The following PARD3B variants were observed in gnomAD, a reference collection of about 807,000 sequenced individuals.
PARD3B encodes par-3 family cell polarity regulator beta.
A neutral mutation model predicts 130.2 loss-of-function variants in PARD3B; 103 were observed. That is an observed-to-expected ratio of 0.79 (90% CI 0.67 to 0.93). The LOEUF (loss-of-function observed/expected upper bound fraction) is 0.93. PARD3B is among the 40% of genes least tolerant of loss of function. The pLI is 0.00. For missense variants in PARD3B, 1,609 were observed against 1,499.2 expected, an observed-to-expected ratio of 1.07 and a Z score of -1.21; for synonymous variants, 583 against 553.2, an observed-to-expected ratio of 1.05 and a Z score of -0.76.
Position 204,799,840 on chromosome 2 carries a change from G to A in PARD3B, c.222+113558G>A, listed in dbSNP as rs1575013441. 6.6e-6 allele frequency among the ~76,000 whole-genome samples: 1 copy of A among 152,126 alleles called. No individual in the cohort carries two copies. Among genetic ancestry groups the A allele is most frequent in the East Asian group, 1.9e-4 (1 of 5,184 alleles). On this transcript the variant is annotated intron_variant, in intron 2 of 22. Transcript: ENST00000406610. This position sits in a 1 kb window ranked among gnomAD's most constrained non-coding sequence, Gnocchi z 4.1. ...GGGTTCCCCAAATGCAGATATGGCT[G>A]CAGTGACTAAAGATTTATATCACAG... is the stretch of plus-strand genomic sequence containing the variant.
chr2:205,146,034 G>A lies in PARD3B; in HGVS notation c.1435-12688G>A, dbSNP rs998567466. The stretch of plus-strand genomic sequence containing the variant: ...CAGACCTCCTGGGGAAGCGCCAGCA[G>A]CCTGTGGATTGACTGTCCATAGCGA... On this transcript the variant is annotated intron_variant, in intron 10 of 22. Transcript: ENST00000406610. The surrounding 1 kb of genome is among the most constrained non-coding windows in gnomAD (Gnocchi z 4.3). Among the ~76,000 whole-genome samples, 8 of 152,162 alleles carry A rather than the reference G, an allele frequency of 5.3e-5. No individual in the cohort carries two copies. Among genetic ancestry groups the A allele is most frequent in the African/African-American group, 1.9e-4 (8 of 41,458 alleles).
intron 15 of PARD3B, among the ~76,000 whole-genome samples, chr2:205,194,843 G>A (rs914187409): frequency 2.6e-5 from 4 of 151,944 alleles, no homozygotes; most frequent in East Asian, 1.9e-4. Context: ...GAGTGCAGTA[G>A]TGCGATCTCG....
At chr2:204,865,219 TAAA>T (rs2045360609) in intron 2 of PARD3B, among the ~76,000 whole-genome samples, 1 of 152,146 alleles carries the variant, frequency 6.6e-6, no homozygotes, top group African/African-American at 2.4e-5. Flanking sequence ...GGAAATTTCT[TAAA>T]GAACTAAAAG....
chr2:204,999,504 C>G (rs1194315289), intron 3 of PARD3B, among the ~76,000 whole-genome samples: 1 of 152,118 alleles, frequency 6.6e-6, no homozygotes, highest in East Asian at 1.9e-4. Context: ...TGAACATGTT[C>G]TTTTTCAGTT....
intron 2 of PARD3B, among the ~76,000 whole-genome samples, chr2:204,779,746 C>T (rs2041773118): frequency 6.6e-6 from 1 of 152,122 alleles, no homozygotes; most frequent in Admixed American, 6.6e-5. Context: ...GTATTCGAGG[C>T]CAGGTCCCAC....
At chr2:204,697,579 T>G (rs182541259) in intron 2 of PARD3B, among the ~76,000 whole-genome samples, 1 of 152,204 alleles carries the variant, frequency 6.6e-6, no homozygotes, top group African/African-American at 2.4e-5. Flanking sequence ...TCTTTTAGTT[T>G]TGCAGTTTGA....
intron 6 of PARD3B, among the ~76,000 whole-genome samples, chr2:205,117,766 T>C (rs1212053645): frequency 6.6e-6 from 1 of 152,200 alleles, no homozygotes; most frequent in Non-Finnish European, 1.5e-5. Context: ...CTATCTTTCT[T>C]ACTCTGGACA....
intron 11 of PARD3B, among the ~76,000 whole-genome samples, chr2:205,168,158 T>G (rs1256383989): frequency 6.6e-6 from 1 of 152,176 alleles, no homozygotes; most frequent in African/African-American, 2.4e-5. Flanking sequence ...CTTTGGGAAT[T>G]TCCTTTACTC....
intron 2 of PARD3B, among the ~76,000 whole-genome samples, chr2:204,947,544 TCCCCTCCCC>T (rs1185575587): frequency 4.2e-5 from 3 of 71,966 alleles, no homozygotes; most frequent in Non-Finnish European, 4.8e-5. Context: ...TTCCCTTCCC[TCCCCTCCCC>T]TCCCTCCCCT....
intron 4 of PARD3B, among the ~76,000 whole-genome samples, chr2:205,084,068 G>A (rs369719876): frequency 2.0e-4 from 30 of 151,908 alleles, no homozygotes; most frequent in African/African-American, 5.3e-4. Context: ...CTAATACTTC[G>A]TCCATATTAA....
chr2:204,940,733 A>G (rs564078513), intron 2 of PARD3B, among the ~76,000 whole-genome samples: 1 of 152,222 alleles, frequency 6.6e-6, no homozygotes, highest in East Asian at 1.9e-4. Context: ...TGAAAATTAG[A>G]GCTTAGGTCT....
rs1412884433 is a variant in PARD3B at position 205,563,968 on chromosome 2, A to G, written c.3260+10565A>G. Among the ~76,000 whole-genome samples, 9 of 152,212 alleles carry G rather than the reference A, an allele frequency of 5.9e-5. No homozygotes were observed. The highest frequency in any genetic ancestry group is 1.0e-4 in the Non-Finnish European group (7 of 68,032). ...AGGAGTTAACATTTGTTGAGCCCGT[A>G]TTGTGCTCCAAGAACTCTGGCAAGT... On this transcript the variant is annotated intron_variant, in intron 22 of 22. Coordinates refer to ENST00000406610, the MANE Select transcript of PARD3B (RefSeq NM_001302769.2). This position sits in a 1 kb window ranked among gnomAD's most constrained non-coding sequence, Gnocchi z 4.2.
chr2:204,766,626 G>A (rs1476102078), intron 2 of PARD3B, among the ~76,000 whole-genome samples: 3 of 151,886 alleles, frequency 2.0e-5, no homozygotes, highest in African/African-American at 7.3e-5. Context: ...TAGCATATTG[G>A]TGAAATTTTG....
intron 15 of PARD3B, among the ~76,000 whole-genome samples, chr2:205,203,346 T>G (rs183056585): frequency 4.6e-5 from 7 of 152,274 alleles, no homozygotes; most frequent in Admixed American, 1.3e-4. Flanking sequence ...CTTTTTATTT[T>G]GTACTGAGGC....
At chr2:204,789,989 G>T (rs2042145473) in intron 2 of PARD3B, among the ~76,000 whole-genome samples, 1 of 151,750 alleles carries the variant, frequency 6.6e-6, no homozygotes, top group South Asian at 2.1e-4. Context: ...TCCTGCCTCA[G>T]CCTCCTGAGT....
chr2:204,955,800 A>T (rs915993007), intron 2 of PARD3B, among the ~76,000 whole-genome samples: 8 of 152,224 alleles, frequency 5.3e-5, no homozygotes, highest in Non-Finnish European at 1.5e-5. Context: ...CATAGTTTTA[A>T]GTAGCTTACT....
chr2:205,099,487 T>G (rs1702606115), intron 4 of PARD3B, among the ~76,000 whole-genome samples: 1 of 152,218 alleles, frequency 6.6e-6, no homozygotes, highest in African/African-American at 2.4e-5. Flanking sequence ...TATTTTCATT[T>G]TTAGACATGT....
intron 2 of PARD3B, among the ~76,000 whole-genome samples, chr2:204,865,658 AT>A (rs2045380733): frequency 6.6e-6 from 1 of 152,158 alleles, no homozygotes; most frequent in Admixed American, 6.5e-5. Context: ...CAGGTGAGGG[AT>A]AAAAGACTAC....
intron 18 of PARD3B, among the ~76,000 whole-genome samples, chr2:205,382,311 T>C (rs1328831843): frequency 6.6e-6 from 1 of 151,970 alleles, no homozygotes; most frequent in Non-Finnish European, 1.5e-5. Flanking sequence ...TCAATTTGGG[T>C]TTTTCTTACC....
Sources: allele counts gnomAD v4.1 joint callset (sites outside exome capture counted in the v4.1 genomes callset), GRCh38; gene constraint gnomAD v4.1.1; non-coding constraint Gnocchi (gnomAD v3.1); transcripts MANE v1.5; gene names NCBI Gene and HGNC (gene_info 2026-07-23, HGNC 2026-07-21).